The following TXK variants were observed in gnomAD, a reference collection of about 807,000 sequenced individuals.
TXK encodes TXK tyrosine kinase.
In TXK, 60 loss-of-function variants were observed where a neutral mutation model predicts 81.0. The observed-to-expected ratio is 0.74, with a 90% CI of 0.60 to 0.92. TXK has a LOEUF of 0.92. Ranked by LOEUF, TXK falls within the 40% of genes least tolerant of loss-of-function variation. The pLI, the probability that TXK is intolerant of heterozygous loss-of-function variation, is 0.00. For missense variants in TXK, 581 were observed against 638.3 expected (o/e 0.91, Z 0.97); for synonymous variants, 203 against 210.7 (o/e 0.96, Z 0.32).
In TXK at chr4:48,077,934, T is replaced by C. The variant is rs1054081382; in HGVS notation, c.1174-1468A>G. Among the ~76,000 whole-genome samples the C allele has an allele frequency of 3.3e-5, 5 of 152,238 alleles. No homozygotes were observed. In the East Asian group the frequency reaches 5.8e-4, roughly 18 times the overall value. ...AGACAATATTTCAACCCAGCTAGCC[T>C]GGCTCTAGAGCAGTTATTCTCAACC... On this transcript the variant is annotated intron_variant, in intron 11 of 14. Transcript: ENST00000264316.
intron 7 of TXK, 63 bp from the exon 8 acceptor site, chr4:48,094,267 C>G (rs1051648696): frequency 3.2e-6 from 5 of 1,569,272 alleles, no homozygotes; most frequent in Non-Finnish European, 3.5e-6. Flanking sequence ...TAAGCCAACT[C>G]ATTAAACAAC....
rs566149374 is a variant in TXK at position 48,128,120 on chromosome 4, C to T, written c.16+6035G>A. Among the ~76,000 whole-genome samples the T allele has an allele frequency of 5.3e-5, 8 of 152,350 alleles. No homozygotes were observed. The South Asian group carries it at 1.2e-3, about 24-fold the overall frequency. On this transcript the variant is annotated intron_variant, in intron 1 of 14. Coordinates refer to ENST00000264316, the MANE Select transcript of TXK (RefSeq NM_003328.3). ...ATGTCTAATGTTTTGAAGTTTACAT[C>T]GTCACCTCCAGTTCATCCCCTGGCA... is the stretch of plus-strand genomic sequence containing the variant.
In TXK at chr4:48,086,493, T is replaced by A. The variant is rs923204555; in HGVS notation, c.929A>T (p.Asp310Val). 1 of 1,613,956 alleles carries A rather than the reference T, an allele frequency of 6.2e-7. No individual in the cohort carries two copies. The highest frequency in any genetic ancestry group is 1.3e-5 in the African/African-American group (1 of 74,898). The part of the protein sequence containing the change: ...AINEGSMSEE[D>V]FIEEAKVMMK... ...CATCACTTTGGCCTCTTCAATGAAA[T>A]CCTCTTCAGACATGGAGCCTTCATT... The change falls in exon 10 of 15, where the codon GAT (aspartate) becomes GTT (valine). Residue 310 changes from aspartate to valine, a missense_variant. Coordinates refer to ENST00000264316, the MANE Select transcript of TXK (RefSeq NM_003328.3).
intron 6 of TXK, 37 bp downstream of exon 6, chr4:48,104,864 A>C: frequency 6.5e-7 from 1 of 1,532,148 alleles, no homozygotes. Context: ...AGTACTTCTC[A>C]GAGATTTTGA....
intron 9 of TXK, among the ~76,000 whole-genome samples, chr4:48,087,672 C>T (rs1368138837): frequency 1.3e-5 from 2 of 152,062 alleles, no homozygotes; most frequent in Non-Finnish European, 2.9e-5. Flanking sequence ...TGAGCTCAGG[C>T]GATCTGCCCA....
intron 1 of TXK, among the ~76,000 whole-genome samples, chr4:48,126,313 CT>C (rs2109485758): frequency 6.6e-6 from 1 of 152,284 alleles, no homozygotes; most frequent in African/African-American, 2.4e-5. Flanking sequence ...TTATGACTTT[CT>C]TAAAGCATTT....
intron 1 of TXK, among the ~76,000 whole-genome samples, 171 bp downstream of exon 1, chr4:48,133,983 AT>A (rs1407376774): frequency 6.6e-6 from 1 of 152,176 alleles, no homozygotes; most frequent in Non-Finnish European, 1.5e-5. Flanking sequence ...GAATTACATC[AT>A]CACTGTGGTT....
chr4:48,095,876 C>T (rs557105280), intron 6 of TXK, among the ~76,000 whole-genome samples: 6 of 152,314 alleles, frequency 3.9e-5, no homozygotes, highest in African/African-American at 1.4e-4. Flanking sequence ...CTGTAAATTG[C>T]TTTCAAAGAA....
intron 6 of TXK, among the ~76,000 whole-genome samples, chr4:48,102,265 C>CA (rs1331042791): frequency 6.6e-6 from 1 of 152,170 alleles, no homozygotes; most frequent in Non-Finnish European, 1.5e-5. Context: ...AGGCTTAAGC[C>CA]ACCACCCCCA....
intron 11 of TXK, 130 bp downstream of exon 11, chr4:48,079,782 A>G: frequency 1.3e-6 from 1 of 747,854 alleles, no homozygotes; most frequent in Non-Finnish European, 2.2e-6. Context: ...TTTACAACAA[A>G]TTGCATGAAT....
chr4:48,133,224 TG>T (rs33946222), intron 1 of TXK, among the ~76,000 whole-genome samples: 111,103 of 148,490 alleles, frequency 0.75, 41,065 homozygotes, highest in Admixed American at 0.79. Flanking sequence ...CTATTCTGCT[TG>T]GTTTTTTTTT....
chr4:48,082,747 G>A (rs1717359612), intron 10 of TXK, among the ~76,000 whole-genome samples: 1 of 152,132 alleles, frequency 6.6e-6, no homozygotes, highest in East Asian at 1.9e-4. Context: ...CAAACTCCAG[G>A]TCCAGAAGCA....
intron 1 of TXK, among the ~76,000 whole-genome samples, chr4:48,130,248 A>C (rs1175108809): frequency 1.3e-5 from 2 of 152,122 alleles, no homozygotes; most frequent in African/African-American, 4.8e-5. Flanking sequence ...GTTGGAAACA[A>C]ATTATTCTGA....
intron 14 of TXK, among the ~76,000 whole-genome samples, chr4:48,068,094 A>T (rs2109389588): frequency 6.6e-6 from 1 of 152,372 alleles, no homozygotes; most frequent in Middle Eastern, 3.4e-3. Context: ...GTGGCTATTT[A>T]AATTTAAATT....
At chr4:48,115,217 C>T (rs1718766311) in intron 1 of TXK, among the ~76,000 whole-genome samples, 1 of 152,054 alleles carries the variant, frequency 6.6e-6, no homozygotes, top group African/African-American at 2.4e-5. Flanking sequence ...CACCCCACAA[C>T]AGGCCCTGGT....
intron 12 of TXK, among the ~76,000 whole-genome samples, chr4:48,075,194 G>A (rs1717018579): frequency 6.6e-6 from 1 of 152,188 alleles, no homozygotes; most frequent in Admixed American, 6.5e-5. Flanking sequence ...TAGGAAAGAA[G>A]CTCCTACTCC....
At chr4:48,101,803 A>C (rs1236757541) in intron 6 of TXK, among the ~76,000 whole-genome samples, 2 of 151,678 alleles carry the variant, frequency 1.3e-5, no homozygotes, top group Non-Finnish European at 2.9e-5. Context: ...CTAAGAAAAA[A>C]AAAAAGCACA....
intron 6 of TXK, among the ~76,000 whole-genome samples, chr4:48,103,490 A>G (rs2109451776): frequency 6.6e-6 from 1 of 152,318 alleles, no homozygotes; most frequent in South Asian, 2.1e-4. Context: ...AGCCCCTGCT[A>G]TGAAGTAGGT....
rs763835456 is a variant in TXK, at chr4:48,104,903, CTT to C, written c.497_498del (p.Gln166ArgfsTer3). On this transcript the variant is annotated frameshift_variant, in exon 6 of 15. Transcript: ENST00000264316. LOFTEE classifies it high-confidence loss of function. ...TGTCCACAAATACATTGAATTACCT[CTT>C]GTCTCAATAGATGTTCTGCCTGATT... ...TRNQAEHLLR[Q>X]ESKEGAFIVR... 4.4e-6 allele frequency: 7 copies of C among 1,594,356 alleles called. No individual in the cohort carries two copies. The highest frequency in any genetic ancestry group is 5.1e-6 in the Non-Finnish European group (6 of 1,170,908).
Sources: allele counts gnomAD v4.1 joint callset (sites outside exome capture counted in the v4.1 genomes callset), GRCh38; gene constraint gnomAD v4.1.1; transcripts MANE v1.5; gene names NCBI Gene and HGNC (gene_info 2026-07-23, HGNC 2026-07-21).